Variants in EHMT1 observed in about 807,000 individuals in gnomAD.
EHMT1 encodes the protein histone-lysine N-methyltransferase EHMT1.
EHMT1 carries 15 observed loss-of-function variants against 147.2 expected under a neutral mutation model. The observed-to-expected ratio is 0.10, with a 90% confidence interval of 0.07 to 0.16. The LOEUF is 0.16. Among genes scored for constraint, EHMT1 ranks in the 10% least tolerant of loss-of-function variants. EHMT1 has a pLI of 1.00. For missense variants in EHMT1, 1,587 were observed against 1,772.4 expected, an observed-to-expected ratio of 0.90 and a Z score of 1.88; for synonymous variants, 795 against 709.6, an observed-to-expected ratio of 1.12 and a Z score of -1.91.
At chr9:137,701,193 A>C (rs1202992556) in intron 1 of EHMT1, among the ~76,000 whole-genome samples, 1 of 152,132 alleles carries the variant, frequency 6.6e-6, no homozygotes, top group Non-Finnish European at 1.5e-5. Context: ...ACAGTTAAAC[A>C]TGAGATTTGG....
chr9:137,721,142 C>G (rs1369119286), intron 3 of EHMT1, among the ~76,000 whole-genome samples: 2 of 150,042 alleles, frequency 1.3e-5, no homozygotes, highest in South Asian at 2.1e-4. Flanking sequence ...TCCCAGACTT[C>G]TCACACTCAC....
chr9:137,662,439 C>T (rs1939177136), intron 1 of EHMT1, among the ~76,000 whole-genome samples: 1 of 152,242 alleles, frequency 6.6e-6, no homozygotes, highest in East Asian at 1.9e-4. Context: ...CTCAAGTGAT[C>T]TGCTTACCAT....
intron 6 of EHMT1, chr9:137,747,623 G>A (rs1199414568): frequency 1.3e-5 from 2 of 152,174 alleles, no homozygotes; most frequent in African/African-American, 4.8e-5. Flanking sequence ...CAACGTATAT[G>A]TGTTTTTAAA....
At chr9:137,804,493 A>C (rs1398816066) in intron 18 of EHMT1, among the ~76,000 whole-genome samples, 4 of 152,168 alleles carry the variant, frequency 2.6e-5, no homozygotes, top group East Asian at 1.9e-4. Context: ...TTAAGAGTTC[A>C]TGTTCTGGAT....
rs751074345 is a variant in EHMT1 at position 137,791,702 on chromosome 9, T to A, written c.2505+732T>A. Among the ~76,000 whole-genome samples the A allele has an allele frequency of 2.6e-5, 4 of 152,188 alleles. No individual in the cohort carries two copies. In the South Asian group the frequency reaches 8.3e-4, roughly 31 times the overall value. On this transcript the variant is annotated intron_variant, in intron 16 of 26. Transcript: ENST00000460843. ...ATGGCAGGTGCCACCCAACAGCCTGTAGAGTCCATGGAGTCCTTACTAAAA... is the reference window on the plus strand; with the variant it reads ...ATGGCAGGTGCCACCCAACAGCCTGAAGAGTCCATGGAGTCCTTACTAAAA...
intron 9 of EHMT1, among the ~76,000 whole-genome samples, chr9:137,760,577 C>T (rs555522989): frequency 9.8e-5 from 15 of 152,316 alleles, no homozygotes; most frequent in Admixed American, 3.9e-4. Context: ...GAGTCCTTGA[C>T]GGCAGCGTGG....
At chr9:137,746,762 C>G (rs951608355) in intron 6 of EHMT1, 4 of 152,292 alleles carry the variant, frequency 2.6e-5, no homozygotes, top group African/African-American at 9.6e-5. Flanking sequence ...GACATTTCTT[C>G]CCTTCTCATT....
At position 137,742,169 on chromosome 9, in the gene EHMT1, C is replaced by T. The variant is rs1948143324; in HGVS notation, c.824-1202C>T. On this transcript the variant is annotated intron_variant, in intron 4 of 26. Transcript: ENST00000460843. ...TCCCAGGCACCTCCTTACTCCAGAG[C>T]GGATTGCCCAGGCCCCGCGGCGTCT... Among the ~76,000 whole-genome samples, 3 of 152,284 alleles carry T rather than the reference C, an allele frequency of 2.0e-5. No individual in the cohort carries two copies. The South Asian group carries it at 6.2e-4, about 32-fold the overall frequency.
At chr9:137,766,975 G>A (rs931783254) in intron 10 of EHMT1, among the ~76,000 whole-genome samples, 1 of 152,086 alleles carries the variant, frequency 6.6e-6, no homozygotes, top group Non-Finnish European at 1.5e-5. Context: ...GCAACACCAC[G>A]CCCAGCTAAG....
At chr9:137,649,062 G>T (rs1185929194) in intron 1 of EHMT1, among the ~76,000 whole-genome samples, 2 of 152,192 alleles carry the variant, frequency 1.3e-5, no homozygotes, top group Admixed American at 1.3e-4. Flanking sequence ...GCATCAGTGG[G>T]TTGAGTAGTG....
intron 14 of EHMT1, among the ~76,000 whole-genome samples, chr9:137,781,360 G>A (rs1346803813): frequency 1.3e-5 from 2 of 150,540 alleles, no homozygotes; most frequent in African/African-American, 4.9e-5. Flanking sequence ...ACGCTGAGAC[G>A]TGTGGTGATG....
At chr9:137,642,907 G>A (rs1204805829) in intron 1 of EHMT1, among the ~76,000 whole-genome samples, 1 of 151,924 alleles carries the variant, frequency 6.6e-6, no homozygotes, top group African/African-American at 2.4e-5. Flanking sequence ...CTCTTGACAG[G>A]GTCTCGCTCT....
Position 137,775,034 on chromosome 9 carries a change from T to C in EHMT1, c.1648-75T>C. 1 of 1,605,670 alleles carries C rather than the reference T, an allele frequency of 6.2e-7. No individual in the cohort carries two copies. Among genetic ancestry groups the C allele is most frequent in the South Asian group, 1.1e-5 (1 of 90,654 alleles). ...CTGAGCAGCTCTTGTGTGCCTGCACTGCCCAGCGCCTGGTGGGAGGGAATG... is the reference window on the plus strand; with the variant it reads ...CTGAGCAGCTCTTGTGTGCCTGCACCGCCCAGCGCCTGGTGGGAGGGAATG... On this transcript the variant is annotated intron_variant, in intron 10 of 26. Transcript: ENST00000460843. This position sits in a 1 kb window ranked among gnomAD's most constrained non-coding sequence, Gnocchi z 6.1.
At chr9:137,682,368 T>G (rs971631568) in intron 1 of EHMT1, among the ~76,000 whole-genome samples, 37 of 152,164 alleles carry the variant, frequency 2.4e-4, no homozygotes, top group Admixed American at 2.4e-3. Context: ...CCTTTATGTG[T>G]TATGTGAGGA....
At chr9:137,717,399 T>A (rs960127950) in intron 3 of EHMT1, 2 of 667,666 alleles carry the variant, frequency 3.0e-6, no homozygotes, top group African/African-American at 1.8e-5. Flanking sequence ...GCCTAGGAGT[T>A]TGAGACCAGC....
chr9:137,817,415 T>G, intron 23 of EHMT1, 24 bp from the exon 24 acceptor site: 1 of 1,613,430 alleles, frequency 6.2e-7, no homozygotes, highest in African/African-American at 1.3e-5. Flanking sequence ...TGGCCTGGGT[T>G]CACCACTACT....
At chr9:137,764,611 A>T (rs549512544) in intron 10 of EHMT1, 1 of 152,364 alleles carries the variant, frequency 6.6e-6, no homozygotes, top group South Asian at 2.1e-4. Flanking sequence ...ATTGTCTCAC[A>T]TAACAGCAAT....
chr9:137,649,016 C>T (rs1041858126), intron 1 of EHMT1, among the ~76,000 whole-genome samples: 2 of 152,200 alleles, frequency 1.3e-5, no homozygotes, highest in South Asian at 2.1e-4. Flanking sequence ...TCCTGGTTGT[C>T]GTATCGTGCT....
chr9:137,706,235 T>C (rs72766917), intron 1 of EHMT1, among the ~76,000 whole-genome samples: 15,595 of 152,258 alleles, frequency 0.1, 884 homozygotes, highest in Middle Eastern at 0.2. Context: ...ATGATTTTTT[T>C]GGGAATTTTT....
Sources: gnomAD v4.1 joint callset for allele counts (sites outside exome capture counted in the v4.1 genomes callset) on GRCh38, gnomAD v4.1.1 for gene constraint, Gnocchi (gnomAD v3.1) non-coding constraint, MANE v1.5 for transcripts, NCBI Gene and HGNC (gene_info 2026-07-23, HGNC 2026-07-21) for gene names.